ZNF487: variants seen among roughly 807,000 people sequenced by gnomAD.
The protein encoded by ZNF487 is zinc finger protein 487.
Under a neutral mutation model 3.0 loss-of-function variants are expected in ZNF487, and 4 were observed. That is an observed-to-expected ratio of 1.35 (90% CI 0.66 to 3.08). The LOEUF (loss-of-function observed/expected upper bound fraction) is 3.08. Among genes scored for constraint, ZNF487 ranks in the 30% most tolerant of loss-of-function variants. The probability of loss-of-function intolerance (pLI) is 0.01; values close to 1 mark genes in which losing one functional copy is unlikely to be tolerated. For missense variants in ZNF487, 146 were observed against 98.7 expected, an observed-to-expected ratio of 1.48 and a Z score of -2.03; for synonymous variants, 55 against 34.6, an observed-to-expected ratio of 1.59 and a Z score of -2.06.
rs1841404048 is a variant in ZNF487, at chr10:43,482,567, A to G, written c.*645A>G. 1 of 509,306 alleles carries G rather than the reference A, an allele frequency of 2.0e-6. No individual in the cohort carries two copies. Among genetic ancestry groups the G allele is most frequent in the African/African-American group, 1.9e-5 (1 of 51,434 alleles). The allele number at this position is 509,306 out of a possible 1,614,324, so 31.5% of individuals were successfully genotyped here. ...ATGTACATCAGAGAACACACACAGG[A>G]GAGAAACCCTATGGATGTAATGAAT... On this transcript the variant is annotated 3_prime_UTR_variant, in exon 4 of 4. Coordinates refer to ENST00000437590, the MANE Select transcript of ZNF487 (RefSeq NM_001355444.3).
chr10:43,508,778 G>A, the ZNF487 span, among the ~76,000 whole-genome samples: 4,251 of 152,078 alleles, frequency 0.028, 94 homozygotes, highest in South Asian at 0.041. Context: ...CCTGGGAGGC[G>A]GAGGTTGTAG....
chr10:43,467,835 AAAG>A (rs1219210816), intron 1 of ZNF487, among the ~76,000 whole-genome samples: 3 of 151,996 alleles, frequency 2.0e-5, no homozygotes, highest in African/African-American at 7.2e-5. Context: ...AAAAAAAAGA[AAAG>A]AAAAATTTGT....
chr10:43,456,152 G>T (rs761667085), intron 1 of ZNF487, among the ~76,000 whole-genome samples: 1 of 152,194 alleles, frequency 6.6e-6, no homozygotes, highest in African/African-American at 2.4e-5. Context: ...CAGTCGTCTT[G>T]GTTGGGTTTT....
chr10:43,513,641 A>T, the ZNF487 span, among the ~76,000 whole-genome samples: 2 of 152,150 alleles, frequency 1.3e-5, no homozygotes, highest in African/African-American at 4.8e-5. Context: ...GGCCTTTACC[A>T]CCATAATAGC....
At chr10:43,475,295 G>A (rs930278011) in intron 1 of ZNF487, among the ~76,000 whole-genome samples, 2 of 152,130 alleles carry the variant, frequency 1.3e-5, no homozygotes, top group Non-Finnish European at 1.5e-5. Context: ...CAGGGCAGGA[G>A]GATCGCTTGA....
At chr10:43,446,131 C>CCCCTTTTCTATTCGA (rs1241730425) in intron 1 of ZNF487, among the ~76,000 whole-genome samples, 3 of 152,250 alleles carry the variant, frequency 2.0e-5, no homozygotes, top group East Asian at 3.8e-4. Context: ...CCCACGTTTC[C>CCCCTTTTCTATTCGA]CCCTTTTCTA....
chr10:43,443,116 G>C (rs1839677482), intron 1 of ZNF487, among the ~76,000 whole-genome samples: 1 of 138,594 alleles, frequency 7.2e-6, no homozygotes, highest in East Asian at 2.2e-4. Context: ...AGGCTGGAGT[G>C]CAATGGCATG....
At chr10:43,437,790 C>G (rs1191985552) in intron 1 of ZNF487, among the ~76,000 whole-genome samples, 3 of 151,982 alleles carry the variant, frequency 2.0e-5, no homozygotes, top group Non-Finnish European at 4.4e-5. Context: ...ATCGGCAGCT[C>G]TTCACTGTGT....
chr10:43,439,744 T>C (rs1839517316), intron 1 of ZNF487, among the ~76,000 whole-genome samples: 1 of 152,114 alleles, frequency 6.6e-6, no homozygotes, highest in Non-Finnish European at 1.5e-5. Flanking sequence ...GAAAATGTCA[T>C]ATGCTGCAAC....
intron 3 of ZNF487, among the ~76,000 whole-genome samples, chr10:43,478,153 C>A (rs1349780490): frequency 6.6e-6 from 1 of 152,174 alleles, no homozygotes; most frequent in Non-Finnish European, 1.5e-5. Context: ...AGTGCAGTGG[C>A]TCACTGCTGT....
Position 43,482,261 on chromosome 10 carries a change from G to A in ZNF487, c.*339G>A. On this transcript the variant is annotated 3_prime_UTR_variant, in exon 4 of 4. Transcript: ENST00000437590. The stretch of plus-strand genomic sequence containing the variant: ...GAATGCCTATAAAATTAATCAGTAT[G>A]CTAGTACATTTTGCTGTAAGCCAAA... The A allele has an allele frequency of 2.5e-6, 1 of 403,568 alleles. No individual in the cohort carries two copies. Among genetic ancestry groups the A allele is most frequent in the Non-Finnish European group, 4.7e-6 (1 of 212,826 alleles). 25.0% of individuals were successfully genotyped at this position (403,568 alleles called of 1,614,324 possible).
the ZNF487 span, among the ~76,000 whole-genome samples, chr10:43,503,306 G>A: frequency 1.3e-5 from 2 of 152,070 alleles, no homozygotes; most frequent in African/African-American, 2.4e-5. Flanking sequence ...ATAGAAAAAA[G>A]CTTGGAGAAT....
intron 1 of ZNF487, among the ~76,000 whole-genome samples, chr10:43,456,196 A>G (rs1840194243): frequency 6.6e-6 from 1 of 152,136 alleles, no homozygotes; most frequent in Non-Finnish European, 1.5e-5. Context: ...GGGCACAGGG[A>G]GTTACAAGAC....
chr10:43,495,538 C>A, the ZNF487 span, among the ~76,000 whole-genome samples: 3 of 152,210 alleles, frequency 2.0e-5, no homozygotes, highest in African/African-American at 7.2e-5. Flanking sequence ...GCCACCGCAC[C>A]CAGCCCCATG....
chr10:43,450,236 C>T (rs1300609845), intron 1 of ZNF487, among the ~76,000 whole-genome samples: 1 of 152,126 alleles, frequency 6.6e-6, no homozygotes, highest in East Asian at 1.9e-4. Flanking sequence ...TTAGTAGATA[C>T]AGGGTTTCTC....
intron 1 of ZNF487, among the ~76,000 whole-genome samples, chr10:43,473,369 C>G (rs1013144705): frequency 6.6e-6 from 1 of 151,944 alleles, no homozygotes; most frequent in Non-Finnish European, 1.5e-5. Flanking sequence ...TGTGAGCCAC[C>G]GCGCCTGGCG....
chr10:43,509,178 A>G, the ZNF487 span, among the ~76,000 whole-genome samples: 3 of 137,764 alleles, frequency 2.2e-5, no homozygotes, highest in Non-Finnish European at 4.7e-5. Context: ...TGGGTGACAG[A>G]GCAAGACTCT....
chr10:43,516,987 C>T, the ZNF487 span, among the ~76,000 whole-genome samples: 3 of 152,206 alleles, frequency 2.0e-5, no homozygotes, highest in East Asian at 3.8e-4. Context: ...CATGGGGTAC[C>T]GTAGCAGCCT....
intron 3 of ZNF487, among the ~76,000 whole-genome samples, chr10:43,478,996 AT>A (rs908341596): frequency 2.7e-5 from 4 of 148,798 alleles, no homozygotes; most frequent in African/African-American, 9.9e-5. Context: ...TCTCAAAAAA[AT>A]TTTTTTTCTA....
Sources: gnomAD v4.1 joint callset for allele counts (sites outside exome capture counted in the v4.1 genomes callset) on GRCh38, gnomAD v4.1.1 for gene constraint, MANE v1.5 for transcripts, NCBI Gene and HGNC (gene_info 2026-07-23, HGNC 2026-07-21) for gene names.